The following RALYL variants were observed in gnomAD, a reference collection of about 807,000 sequenced individuals.
The protein encoded by RALYL is RALY RNA binding protein like, also known as RNA-binding Raly-like protein.
In RALYL, 29 loss-of-function variants were observed where a neutral mutation model predicts 35.1. The ratio of observed to expected loss-of-function variants is 0.83; its 90% confidence interval spans 0.61 to 1.13. The LOEUF (loss-of-function observed/expected upper bound fraction) is 1.13, where lower values mean the gene tolerates loss of function less well. RALYL is among the 50% of genes most tolerant of loss of function. The probability of loss-of-function intolerance (pLI) is 0.00; values close to 1 mark genes in which losing one functional copy is unlikely to be tolerated. For synonymous variants in RALYL, 120 were observed against 127.6 expected (o/e 0.94, Z 0.40); for missense variants, 359 against 360.4 (o/e 1.00, Z 0.03).
chr8:84,648,370 T>C (rs757474305), intron 2 of RALYL, among the ~76,000 whole-genome samples: 2 of 152,046 alleles, frequency 1.3e-5, no homozygotes, highest in African/African-American at 4.8e-5. Flanking sequence ...GGAAGAAAAG[T>C]TTATGTTTTA....
At chr8:84,426,920 G>A (rs375046599) in intron 1 of RALYL, among the ~76,000 whole-genome samples, 1 of 152,072 alleles carries the variant, frequency 6.6e-6, no homozygotes, top group African/African-American at 2.4e-5. Context: ...AATTAAAAAT[G>A]GAACTACCAT....
At chr8:84,815,764 C>T (rs1586502835) in intron 4 of RALYL, among the ~76,000 whole-genome samples, 2 of 151,934 alleles carry the variant, frequency 1.3e-5, no homozygotes, top group Middle Eastern at 3.4e-3. Context: ...AGGCCAGGCG[C>T]GGTGGCTCAT....
At chr8:84,347,505 A>C (rs1382273304) in intron 1 of RALYL, among the ~76,000 whole-genome samples, 2 of 151,818 alleles carry the variant, frequency 1.3e-5, no homozygotes, top group Non-Finnish European at 2.9e-5. Flanking sequence ...ATCCTTCCTA[A>C]TCTGCCCTCT....
At chr8:84,216,793 T>C (rs1820938093) in intron 1 of RALYL, among the ~76,000 whole-genome samples, 2 of 152,140 alleles carry the variant, frequency 1.3e-5, no homozygotes, top group Non-Finnish European at 2.9e-5. Flanking sequence ...TTTTAATCTA[T>C]TTACATTTAA....
chr8:84,626,086 A>G (rs147036911), intron 2 of RALYL, among the ~76,000 whole-genome samples: 1 of 152,342 alleles, frequency 6.6e-6, no homozygotes, highest in Non-Finnish European at 1.5e-5. Context: ...AAATAACAGG[A>G]TGTGATATTT....
intron 2 of RALYL, among the ~76,000 whole-genome samples, chr8:84,770,407 C>CAT (rs971800326): frequency 4.4e-4 from 48 of 110,172 alleles, no homozygotes; most frequent in African/African-American, 1.3e-3. Context: ...AGTAGTCCAT[C>CAT]ATATATATAT....
At chr8:84,460,575 T>C (rs1422659332) in intron 1 of RALYL, among the ~76,000 whole-genome samples, 1 of 151,656 alleles carries the variant, frequency 6.6e-6, no homozygotes, top group Non-Finnish European at 1.5e-5. Context: ...CAGAACAGTG[T>C]GGTATAATGC....
chr8:84,799,784 G>A lies in RALYL; in HGVS notation c.333-4986G>A, dbSNP rs558969475. On this transcript the variant is annotated intron_variant, in intron 3 of 8. Transcript: ENST00000521268. ...ATCCTGGCTAACACGGTGAAACCCC[G>A]TCTCTACTAAAAATACAAAAAATTA... Among the ~76,000 whole-genome samples, 3 of 152,026 alleles carry A rather than the reference G, an allele frequency of 2.0e-5. No individual in the cohort carries two copies. In the South Asian group the frequency reaches 6.2e-4, roughly 32 times the overall value.
chr8:84,681,556 C>T (rs139218032), intron 2 of RALYL, among the ~76,000 whole-genome samples: 2,178 of 152,270 alleles, frequency 0.014, 61 homozygotes, highest in African/African-American at 0.049. Context: ...AGAGGTCCTT[C>T]ACATCCCTTG....
At chr8:84,843,745 G>C (rs907688431) in intron 4 of RALYL, among the ~76,000 whole-genome samples, 3 of 152,140 alleles carry the variant, frequency 2.0e-5, no homozygotes, top group African/African-American at 4.8e-5. Context: ...AACCAAAACA[G>C]CCTGGTACTG....
chr8:84,859,993 C>T (rs189903074), intron 5 of RALYL, among the ~76,000 whole-genome samples: 16 of 152,142 alleles, frequency 1.1e-4, no homozygotes, highest in African/African-American at 3.9e-4. Flanking sequence ...AAATGTATGC[C>T]CCATACTAAA....
chr8:84,677,642 T>C (rs1834484483), intron 2 of RALYL, among the ~76,000 whole-genome samples: 1 of 152,116 alleles, frequency 6.6e-6, no homozygotes, highest in South Asian at 2.1e-4. Context: ...AAATAGAAAA[T>C]GCTTAAAACC....
At chr8:84,335,280 A>G (rs1563750973) in intron 1 of RALYL, among the ~76,000 whole-genome samples, 1 of 152,142 alleles carries the variant, frequency 6.6e-6, no homozygotes, top group Non-Finnish European at 1.5e-5. Flanking sequence ...TGATGGGTGC[A>G]TATCCATCTT....
chr8:84,733,736 A>C (rs1846680155), intron 2 of RALYL, among the ~76,000 whole-genome samples: 1 of 152,166 alleles, frequency 6.6e-6, no homozygotes, highest in Non-Finnish European at 1.5e-5. Context: ...TGTTTTGGTA[A>C]ATGGGAAAGT....
intron 3 of RALYL, among the ~76,000 whole-genome samples, chr8:84,798,580 G>C (rs1206208956): frequency 1.3e-5 from 2 of 152,314 alleles, no homozygotes; most frequent in Non-Finnish European, 2.9e-5. Context: ...TCTGATTCTA[G>C]AACCTGTACA....
intron 1 of RALYL, among the ~76,000 whole-genome samples, chr8:84,321,924 T>C (rs1844909680): frequency 6.6e-6 from 1 of 151,866 alleles, no homozygotes; most frequent in South Asian, 2.1e-4. Flanking sequence ...TTATCAGAAA[T>C]AGGAGAGACA....
chr8:84,741,364 G>A (rs1563492781), intron 2 of RALYL, among the ~76,000 whole-genome samples: 4 of 151,992 alleles, frequency 2.6e-5, no homozygotes, highest in African/African-American at 7.2e-5. Context: ...ATGTGCTGCT[G>A]TAACAAATAC....
At chr8:84,743,174 AT>A (rs1807779472) in intron 2 of RALYL, among the ~76,000 whole-genome samples, 2 of 152,030 alleles carry the variant, frequency 1.3e-5, no homozygotes. Context: ...TAATGTAATC[AT>A]TTCTACAGAA....
chr8:84,648,734 A>G (rs1828039226), intron 2 of RALYL, among the ~76,000 whole-genome samples: 1 of 151,604 alleles, frequency 6.6e-6, no homozygotes, highest in Non-Finnish European at 1.5e-5. Flanking sequence ...TGATGAAATT[A>G]TTAATATATT....
Sources: allele counts gnomAD v4.1 joint callset (sites outside exome capture counted in the v4.1 genomes callset), GRCh38; gene constraint gnomAD v4.1.1; transcripts MANE v1.5; gene names NCBI Gene and HGNC (gene_info 2026-07-23, HGNC 2026-07-21).